GMPR: variants seen among roughly 807,000 people sequenced by gnomAD.
The protein encoded by GMPR is guanosine monophosphate reductase, also known as GMP reductase 1.
GMPR carries 31 observed loss-of-function variants against 38.4 expected under a neutral mutation model. The observed-to-expected ratio is 0.81, with a 90% CI of 0.61 to 1.09. GMPR has a LOEUF of 1.09. GMPR is among the 50% of genes least tolerant of loss of function. The probability of loss-of-function intolerance (pLI) is 0.00; values close to 1 mark genes in which losing one functional copy is unlikely to be tolerated. For missense variants in GMPR, 468 were observed against 453.7 expected (o/e 1.03, Z -0.29); for synonymous variants, 162 against 173.3 (o/e 0.93, Z 0.51).
intron 7 of GMPR, among the ~76,000 whole-genome samples, chr6:16,289,291 G>A (rs1034882243): frequency 4.6e-5 from 7 of 152,204 alleles, no homozygotes; most frequent in East Asian, 1.9e-4. Flanking sequence ...AAGTCAGTGA[G>A]ACCAAGAACC....
chr6:16,267,879 A>G (rs769943236), intron 4 of GMPR, among the ~76,000 whole-genome samples: 2 of 152,212 alleles, frequency 1.3e-5, no homozygotes, highest in African/African-American at 2.4e-5. Flanking sequence ...TCCGGGAGCC[A>G]TGGGCTGGAT....
rs557196124 is a variant in GMPR, at chr6:16,279,454, A to T, written c.654+564A>T. On this transcript the variant is annotated intron_variant, in intron 6 of 8. Coordinates refer to ENST00000259727, the MANE Select transcript of GMPR (RefSeq NM_006877.4). ...CTCCAGGATGTCCGCATCTTAACTG[A>T]TGACGTGTCCATTGTTCCTGTTTCC... 6.6e-5 allele frequency among the ~76,000 whole-genome samples: 10 copies of T among 152,314 alleles called. No homozygotes were observed. In the South Asian group the frequency reaches 2.1e-3, roughly 32 times the overall value.
intron 4 of GMPR, 107 bp downstream of exon 4, chr6:16,254,842 C>A: frequency 1.4e-6 from 1 of 728,060 alleles, no homozygotes; most frequent in South Asian, 1.9e-5. Flanking sequence ...CTTTTGGTGC[C>A]TCTTTAGTCA....
chr6:16,288,425 G>A (rs894991974), intron 7 of GMPR, among the ~76,000 whole-genome samples: 1 of 152,206 alleles, frequency 6.6e-6, no homozygotes, highest in South Asian at 2.1e-4. Context: ...GGTGTGCTGG[G>A]TCCTCCAGCA....
In GMPR at chr6:16,261,505, A is replaced by G. The variant is rs1759085123; in HGVS notation, c.465+6770A>G. ...TCCAGAACAGAATAATGGACTGTGG[A>G]GAGAGGTATTGAGGATAGGAGAGTA... On this transcript the variant is annotated intron_variant, in intron 4 of 8. Coordinates refer to ENST00000259727, the MANE Select transcript of GMPR (RefSeq NM_006877.4). Among the ~76,000 whole-genome samples the G allele has an allele frequency of 1.3e-5, 2 of 151,978 alleles. 1 individual carries two copies. Among genetic ancestry groups the G allele is most frequent in the Admixed American group, 1.3e-4 (2 of 15,096 alleles).
intron 4 of GMPR, among the ~76,000 whole-genome samples, chr6:16,266,531 G>A (rs980579522): frequency 6.6e-6 from 1 of 150,612 alleles, no homozygotes; most frequent in Non-Finnish European, 1.5e-5. Flanking sequence ...GGCTGGGCGC[G>A]GTGGCTCACG....
At chr6:16,249,824 G>C (rs1758832970) in intron 2 of GMPR, among the ~76,000 whole-genome samples, 2 of 152,264 alleles carry the variant, frequency 1.3e-5, no homozygotes, top group South Asian at 4.1e-4. Flanking sequence ...TTCCGGTTGT[G>C]AGCACAAGAG....
intron 4 of GMPR, among the ~76,000 whole-genome samples, chr6:16,270,367 G>A (rs1441097583): frequency 1.3e-5 from 2 of 152,166 alleles, no homozygotes; most frequent in Non-Finnish European, 2.9e-5. Flanking sequence ...GAACCTGCAT[G>A]AACTGCCTGG....
chr6:16,278,639 G>A, intron 5 of GMPR, 145 bp from the exon 6 acceptor site: 1 of 699,308 alleles, frequency 1.4e-6, no homozygotes, highest in Admixed American at 2.0e-5. Flanking sequence ...GTGCAGATGG[G>A]GCAGCCTGTT....
At position 16,295,411 on chromosome 6, in the gene GMPR, C is replaced by G. The variant is rs949678975; in HGVS notation, c.*225C>G. The G allele has an allele frequency of 4.7e-5, 20 of 422,948 alleles. No individual in the cohort carries two copies. The highest frequency in any genetic ancestry group is 3.7e-4 in the African/African-American group (18 of 48,620). The allele number at this position is 422,948 out of a possible 1,614,324, so 26.2% of individuals were successfully genotyped here. ...GGGCCAACATCAGAGCCCTGCTGCC[C>G]AGAACTCATAACCTCATTGTTCAAA... On this transcript the variant is annotated 3_prime_UTR_variant, in exon 9 of 9. Transcript: ENST00000259727.
Position 16,295,378 on chromosome 6 carries a change from C to T in GMPR, c.*192C>T, listed in dbSNP as rs1263002630. The T allele has an allele frequency of 4.3e-6, 2 of 461,254 alleles. No individual in the cohort carries two copies. The highest frequency in any genetic ancestry group is 7.5e-6 in the Non-Finnish European group (2 of 268,364). The allele number at this position is 461,254 out of a possible 1,614,324, so 28.6% of individuals were successfully genotyped here. A position where few individuals can be genotyped will look rare whatever the true frequency, so the allele number is the denominator to read the frequency against. ...GCCTTCTCGGGGCCCAGACGCAAGG[C>T]ACCGATTGGGCCAACATCAGAGCCC... On this transcript the variant is annotated 3_prime_UTR_variant, in exon 9 of 9. Transcript: ENST00000259727.
At chr6:16,274,519 C>T (rs755635778) in intron 5 of GMPR, 23 bp downstream of exon 5, 1 of 1,366,430 alleles carries the variant, frequency 7.3e-7, no homozygotes, top group South Asian at 1.2e-5. Context: ...AGGAGCACAG[C>T]AGAGGACGTG....
At chr6:16,239,505 G>A (rs931451427) in intron 1 of GMPR, among the ~76,000 whole-genome samples, 7 of 152,240 alleles carry the variant, frequency 4.6e-5, no homozygotes, top group Non-Finnish European at 1.0e-4. Flanking sequence ...GCTGGGGGAA[G>A]GGAGGCCAGT....
chr6:16,266,836 C>T (rs768340646), intron 4 of GMPR, among the ~76,000 whole-genome samples: 23 of 151,368 alleles, frequency 1.5e-4, no homozygotes, highest in African/African-American at 3.4e-4. Flanking sequence ...CTGTGAAGGT[C>T]GTGGCTTCAC....
intron 4 of GMPR, among the ~76,000 whole-genome samples, chr6:16,272,240 C>T (rs1229620504): frequency 1.3e-5 from 2 of 152,088 alleles, no homozygotes; most frequent in East Asian, 1.9e-4. Flanking sequence ...AAAAAAAACA[C>T]TCTTAAAAAC....
chr6:16,268,453 A>G (rs1240574487), intron 4 of GMPR, among the ~76,000 whole-genome samples: 1 of 152,052 alleles, frequency 6.6e-6, no homozygotes, highest in Non-Finnish European at 1.5e-5. Context: ...TAATTTTTGT[A>G]TCTTTAGTAG....
At chr6:16,254,352 A>C (rs1419256622) in intron 3 of GMPR, among the ~76,000 whole-genome samples, 3 of 152,218 alleles carry the variant, frequency 2.0e-5, no homozygotes, top group Non-Finnish European at 4.4e-5. Context: ...AGCATGAGCC[A>C]CCGTGCCTGG....
intron 7 of GMPR, among the ~76,000 whole-genome samples, chr6:16,289,154 C>T (rs992850334): frequency 2.0e-5 from 3 of 152,178 alleles, no homozygotes; most frequent in Non-Finnish European, 2.9e-5. Flanking sequence ...GTGCTATTTG[C>T]CGGGAAGGTC....
chr6:16,279,923 T>A (rs1190403856), intron 6 of GMPR, among the ~76,000 whole-genome samples: 1 of 152,188 alleles, frequency 6.6e-6, no homozygotes, highest in African/African-American at 2.4e-5. Flanking sequence ...GACGCGTTAG[T>A]AATTCAGGAG....
Sources: gnomAD v4.1 joint callset for allele counts (sites outside exome capture counted in the v4.1 genomes callset) on GRCh38, gnomAD v4.1.1 for gene constraint, MANE v1.5 for transcripts, NCBI Gene and HGNC (gene_info 2026-07-23, HGNC 2026-07-21) for gene names.